The following KLHL1 variants were observed in gnomAD, a reference collection of about 807,000 sequenced individuals.
KLHL1 encodes kelch like family member 1.
Under a neutral mutation model 77.7 loss-of-function variants are expected in KLHL1, and 47 were observed. That is an observed-to-expected ratio of 0.60 (90% CI 0.48 to 0.77). KLHL1 has a LOEUF of 0.77. Among genes scored for constraint, KLHL1 ranks in the 30% least tolerant of loss-of-function variants. The probability of loss-of-function intolerance (pLI) is 0.00; values close to 1 mark genes in which losing one functional copy is unlikely to be tolerated. For synonymous variants in KLHL1, 360 were observed against 325.2 expected (o/e 1.11, Z -1.15); for missense variants, 925 against 910.8 (o/e 1.02, Z -0.20).
chr13:69,930,161 T>C (rs1427785404), intron 4 of KLHL1, among the ~76,000 whole-genome samples: 2 of 151,872 alleles, frequency 1.3e-5, no homozygotes, highest in Non-Finnish European at 3.0e-5. Flanking sequence ...AAGTTTTATA[T>C]GAAATAAATC....
intron 6 of KLHL1, among the ~76,000 whole-genome samples, chr13:69,799,480 G>A (rs1194356867): frequency 6.6e-6 from 1 of 152,176 alleles, no homozygotes; most frequent in Non-Finnish European, 1.5e-5. Context: ...AACCTTTACA[G>A]TTTTTCCTGT....
In KLHL1 at chr13:69,832,937, A is replaced by G. The variant is rs550623338; in HGVS notation, c.1414+6039T>C. Among the ~76,000 whole-genome samples the G allele has an allele frequency of 3.4e-4, 52 of 152,304 alleles. 1 individual carries two copies. The South Asian group carries it at 0.011, about 32-fold the overall frequency. On this transcript the variant is annotated intron_variant, in intron 6 of 10. Coordinates refer to ENST00000377844, the MANE Select transcript of KLHL1 (RefSeq NM_020866.3). ...AAACTGGATCCTCATCTCTCACTTT[A>G]TACAAAAATCAACTCAATATGAATC... is the stretch of plus-strand genomic sequence containing the variant.
rs1888109430 is a variant in KLHL1, at chr13:70,107,739, G to A, written c.-40C>T. The A allele has an allele frequency of 2.1e-6, 3 of 1,459,212 alleles. No homozygotes were observed. The highest frequency in any genetic ancestry group is 2.8e-5 in the South Asian group (2 of 72,146). The allele number at this position is 1,459,212 out of a possible 1,614,324, so 90.4% of individuals were successfully genotyped here. On this transcript the variant is annotated 5_prime_UTR_variant, in exon 1 of 11. Coordinates refer to ENST00000377844, the MANE Select transcript of KLHL1 (RefSeq NM_020866.3). ...AGGCAAAAGGCTGGCAGCTCACGCA[G>A]GAGTAGGCTGGTCAGCAGGTGGGGG...
At chr13:70,054,705 T>G (rs1306272443) in intron 1 of KLHL1, among the ~76,000 whole-genome samples, 1 of 150,906 alleles carries the variant, frequency 6.6e-6, no homozygotes, top group Non-Finnish European at 1.5e-5. Flanking sequence ...TCAGACAAAT[T>G]TAAAAAGTGA....
chr13:69,857,728 G>T (rs892644004), intron 5 of KLHL1, among the ~76,000 whole-genome samples: 1 of 151,832 alleles, frequency 6.6e-6, no homozygotes, highest in African/African-American at 2.4e-5. Context: ...TAACTATGCA[G>T]TAGAAAAATA....
intron 8 of KLHL1, among the ~76,000 whole-genome samples, chr13:69,736,726 G>A (rs1873781706): frequency 6.6e-6 from 1 of 151,476 alleles, no homozygotes; most frequent in African/African-American, 2.4e-5. Flanking sequence ...ATACTACTCA[G>A]CCATAAAAAG....
In KLHL1 at chr13:69,837,689, C is replaced by CACAT. The variant is rs796546398; in HGVS notation, c.1414+1283_1414+1286dup. ...GTGTGTGTATATATATATATATATA[C>CACAT]ACATATATATATAGATCTCATATTT... is the stretch of plus-strand genomic sequence containing the variant. On this transcript the variant is annotated intron_variant, in intron 6 of 10. Transcript: ENST00000377844. 7.7e-3 allele frequency among the ~76,000 whole-genome samples: 909 copies of CACAT among 117,908 alleles called. 8 individuals carry two copies. Among genetic ancestry groups the CACAT allele is most frequent in the African/African-American group, 0.02 (522 of 25,464 alleles). The allele number at this position is 117,908 out of a possible 152,430, so 77.4% of individuals were successfully genotyped here.
intron 7 of KLHL1, among the ~76,000 whole-genome samples, chr13:69,743,238 T>C (rs1874059730): frequency 6.8e-6 from 1 of 146,220 alleles, no homozygotes; most frequent in Admixed American, 6.7e-5. Flanking sequence ...AGATATTTCA[T>C]AATAGGTATG....
chr13:70,079,688 C>A (rs992912643), intron 1 of KLHL1, among the ~76,000 whole-genome samples: 5 of 152,044 alleles, frequency 3.3e-5, no homozygotes, highest in Non-Finnish European at 7.4e-5. Context: ...GTGCTTTAAG[C>A]ATATTAATTC....
At chr13:69,932,684 G>A (rs1194133620) in intron 4 of KLHL1, among the ~76,000 whole-genome samples, 2 of 151,860 alleles carry the variant, frequency 1.3e-5, no homozygotes, top group African/African-American at 4.8e-5. Flanking sequence ...TTGTGCTTGT[G>A]TGTGTGTGTG....
chr13:70,002,743 G>A (rs1205023698), intron 1 of KLHL1, among the ~76,000 whole-genome samples: 1 of 151,482 alleles, frequency 6.6e-6, no homozygotes, highest in African/African-American at 2.4e-5. Context: ...GTCACTACTT[G>A]ATGTCATAAA....
chr13:70,052,940 T>C (rs1886662643), intron 1 of KLHL1, among the ~76,000 whole-genome samples: 3 of 151,998 alleles, frequency 2.0e-5, no homozygotes, highest in Admixed American at 1.3e-4. Context: ...ACAATTTCCA[T>C]GATATGGACT....
intron 1 of KLHL1, among the ~76,000 whole-genome samples, chr13:70,055,018 C>G (rs367638450): frequency 0.09 from 328 of 3,634 alleles, no homozygotes; most frequent in African/African-American, 0.097. Context: ...TATTCAAAGA[C>G]GTAATAGAAA....
intron 7 of KLHL1, among the ~76,000 whole-genome samples, chr13:69,745,725 G>A (rs1365031896): frequency 6.6e-6 from 1 of 151,818 alleles, no homozygotes; most frequent in Non-Finnish European, 1.5e-5. Context: ...GACTATTGAG[G>A]AAGACAAATA....
At chr13:69,751,875 A>G (rs901744553) in intron 7 of KLHL1, among the ~76,000 whole-genome samples, 1 of 152,010 alleles carries the variant, frequency 6.6e-6, no homozygotes, top group Non-Finnish European at 1.5e-5. Flanking sequence ...AAGTTGACAT[A>G]AGGAAAAATG....
chr13:69,825,130 T>C (rs1729784665), intron 6 of KLHL1, among the ~76,000 whole-genome samples: 1 of 152,156 alleles, frequency 6.6e-6, no homozygotes, highest in African/African-American at 2.4e-5. Flanking sequence ...TCTCACTTTT[T>C]AATGTTTAAA....
chr13:69,839,774 C>A (rs933604812), intron 5 of KLHL1, among the ~76,000 whole-genome samples: 1 of 151,922 alleles, frequency 6.6e-6, no homozygotes, highest in South Asian at 2.1e-4. Flanking sequence ...AGAGTGAGAC[C>A]AGTAGTTTTA....
At chr13:70,010,067 T>G (rs1885496613) in intron 1 of KLHL1, among the ~76,000 whole-genome samples, 1 of 151,840 alleles carries the variant, frequency 6.6e-6, no homozygotes, top group Non-Finnish European at 1.5e-5. Context: ...TCTTGGTAGT[T>G]TCAAAACAAG....
At position 69,707,727 on chromosome 13, in the gene KLHL1, G is replaced by A. The variant is rs377213465; in HGVS notation, c.2085C>T (p.Val695=). ...CATATAATCTGTCACCAAGGAGACA[G>A]ACCCCAACAGCATCTCTGGGCATAC... ...PLSMPRDAVG[V]CLLGDRLYAV... is the part of the protein sequence containing the mutation. The change falls in exon 10 of 11, where the codon GTC becomes GTT. Residue 695 remains valine, a synonymous_variant. Transcript: ENST00000377844. 4 of 1,612,814 alleles carry A rather than the reference G, an allele frequency of 2.5e-6. No homozygotes were observed. The African/African-American group carries it at 5.3e-5, about 22-fold the overall frequency.
Sources: gnomAD v4.1 joint callset for allele counts (sites outside exome capture counted in the v4.1 genomes callset) on GRCh38, gnomAD v4.1.1 for gene constraint, MANE v1.5 for transcripts, NCBI Gene and HGNC (gene_info 2026-07-23, HGNC 2026-07-21) for gene names.